Variants in SLC24A2 observed in about 807,000 individuals in gnomAD.
SLC24A2 encodes solute carrier family 24 member 2.
Under a neutral mutation model 62.0 loss-of-function variants are expected in SLC24A2, and 36 were observed. That is an observed-to-expected ratio of 0.58 (90% confidence interval 0.44 to 0.77). SLC24A2 has a LOEUF of 0.77. SLC24A2 is among the 30% of genes least tolerant of loss of function. SLC24A2 has a pLI of 0.00. For synonymous variants in SLC24A2, 358 were observed against 294.0 expected (o/e 1.22, Z -2.23); for missense variants, 846 against 817.9 (o/e 1.03, Z -0.42).
chr9:20,262,141 A>C, the SLC24A2 span, among the ~76,000 whole-genome samples: 1 of 152,198 alleles, frequency 6.6e-6, no homozygotes, highest in Non-Finnish European at 1.5e-5. Context: ...AAGAGAAATA[A>C]TGCTGTAATA....
chr9:19,542,056 G>A (rs937140009), intron 8 of SLC24A2, among the ~76,000 whole-genome samples: 1 of 152,202 alleles, frequency 6.6e-6, no homozygotes, highest in Admixed American at 6.5e-5. Context: ...GCCTCGCCCT[G>A]CTTCGGCTCG....
the SLC24A2 span, among the ~76,000 whole-genome samples, chr9:20,229,901 A>C: frequency 9.6e-6 from 1 of 104,056 alleles, no homozygotes; most frequent in Non-Finnish European, 1.9e-5. Context: ...ACCCCACAAC[A>C]GTCCCTGGTG....
the SLC24A2 span, among the ~76,000 whole-genome samples, chr9:20,301,434 A>T: frequency 6.6e-6 from 1 of 152,074 alleles, no homozygotes; most frequent in African/African-American, 2.4e-5. Context: ...ACTTTGCTGC[A>T]TTTCTCCCCT....
At chr9:20,246,602 A>G in the SLC24A2 span, among the ~76,000 whole-genome samples, 1 of 152,366 alleles carries the variant, frequency 6.6e-6, no homozygotes, top group East Asian at 1.9e-4. Flanking sequence ...AGTAATGACA[A>G]GTTACTCACA....
rs529055554 is a variant in SLC24A2 at position 19,782,094 on chromosome 9, A to T, written c.930+3843T>A. 2.6e-5 allele frequency among the ~76,000 whole-genome samples: 4 copies of T among 152,326 alleles called. No individual in the cohort carries two copies. In the South Asian group the frequency reaches 8.3e-4, roughly 32 times the overall value. ...CATCTTTATTTAGATTGTGCCCTTC[A>T]TTAGAACCAGGCCAACTTGCTGTCA... On this transcript the variant is annotated intron_variant, in intron 2 of 10. Coordinates refer to ENST00000341998, the MANE Select transcript of SLC24A2 (RefSeq NM_020344.4).
At chr9:19,614,799 C>T (rs1043590663) in intron 4 of SLC24A2, among the ~76,000 whole-genome samples, 8 of 151,956 alleles carry the variant, frequency 5.3e-5, no homozygotes, top group African/African-American at 1.7e-4. Flanking sequence ...CAGTTGAGCC[C>T]AGCTTTCCAC....
chr9:19,673,932 T>G (rs1167048471), intron 2 of SLC24A2, among the ~76,000 whole-genome samples: 2 of 152,178 alleles, frequency 1.3e-5, no homozygotes, highest in African/African-American at 4.8e-5. Context: ...ATCTTGTTGT[T>G]TATTTGTTTA....
intron 5 of SLC24A2, among the ~76,000 whole-genome samples, chr9:19,582,745 C>A (rs1390965241): frequency 6.6e-6 from 1 of 152,118 alleles, no homozygotes; most frequent in Non-Finnish European, 1.5e-5. Flanking sequence ...AAGCCTTCAT[C>A]ACTCTCAGAA....
At chr9:19,905,111 C>T in the SLC24A2 span, among the ~76,000 whole-genome samples, 5 of 152,070 alleles carry the variant, frequency 3.3e-5, no homozygotes, top group Admixed American at 2.0e-4. Flanking sequence ...ACTCTTGGGA[C>T]TTATTGATGC....
the SLC24A2 span, among the ~76,000 whole-genome samples, chr9:20,225,373 T>G: frequency 1.3e-5 from 2 of 150,660 alleles, no homozygotes; most frequent in Non-Finnish European, 2.9e-5. Flanking sequence ...CAATAAATCC[T>G]ACTCTCATAA....
chr9:19,873,536 C>CTT, the SLC24A2 span, among the ~76,000 whole-genome samples: 173 of 137,084 alleles, frequency 1.3e-3, no homozygotes, highest in East Asian at 0.023. Context: ...TCCTTTCTTT[C>CTT]TCTTTCTTTC....
the SLC24A2 span, among the ~76,000 whole-genome samples, chr9:20,170,650 G>T: frequency 2.2e-4 from 34 of 151,920 alleles, no homozygotes; most frequent in Non-Finnish European, 7.4e-5. Context: ...AGGAGAAACA[G>T]GAAAGTTGAG....
chr9:19,597,935 G>A (rs555543132), intron 4 of SLC24A2, among the ~76,000 whole-genome samples: 1 of 152,256 alleles, frequency 6.6e-6, no homozygotes, highest in African/African-American at 2.4e-5. Context: ...GGCATTGGTG[G>A]CTGCTATGTA....
At chr9:20,270,715 G>A in the SLC24A2 span, among the ~76,000 whole-genome samples, 1 of 152,168 alleles carries the variant, frequency 6.6e-6, no homozygotes, top group Non-Finnish European at 1.5e-5. Flanking sequence ...AGACTCTGGG[G>A]ATATAACAGT....
intron 2 of SLC24A2, among the ~76,000 whole-genome samples, chr9:19,627,797 G>C (rs760016238): frequency 6.6e-6 from 1 of 152,136 alleles, no homozygotes; most frequent in Non-Finnish European, 1.5e-5. Flanking sequence ...GCCTCCCAAA[G>C]TGCTGAGATT....
At chr9:19,666,882 A>G (rs1018278892) in intron 2 of SLC24A2, among the ~76,000 whole-genome samples, 4 of 152,236 alleles carry the variant, frequency 2.6e-5, no homozygotes, top group Non-Finnish European at 5.9e-5. Context: ...TCTAAAGCAC[A>G]GTGTTCCCAC....
chr9:20,046,503 A>G, the SLC24A2 span, among the ~76,000 whole-genome samples: 9 of 152,358 alleles, frequency 5.9e-5, no homozygotes, highest in African/African-American at 2.2e-4. Flanking sequence ...TCTTGAAGCC[A>G]TATGTCCTCT....
intron 2 of SLC24A2, among the ~76,000 whole-genome samples, chr9:19,706,877 C>A (rs867604713): frequency 0.02 from 2,978 of 151,938 alleles, 89 homozygotes; most frequent in African/African-American, 0.068. Flanking sequence ...CATTCAAAAG[C>A]TAGCGGAAGG....
chr9:20,227,822 C>G, the SLC24A2 span, among the ~76,000 whole-genome samples: 3 of 152,112 alleles, frequency 2.0e-5, no homozygotes, highest in Non-Finnish European at 4.4e-5. Context: ...ACACACATCT[C>G]CCAACAACTA....
Sources: gnomAD v4.1 joint callset for allele counts (sites outside exome capture counted in the v4.1 genomes callset) on GRCh38, gnomAD v4.1.1 for gene constraint, MANE v1.5 for transcripts, NCBI Gene and HGNC (gene_info 2026-07-23, HGNC 2026-07-21) for gene names.